Variants in GNG2 observed in about 807,000 individuals in gnomAD.
GNG2 encodes the protein guanine nucleotide-binding protein G(I)/G(S)/G(O) subunit gamma-2.
In GNG2, 5 loss-of-function variants were observed where a neutral mutation model predicts 5.5. The observed-to-expected ratio is 0.91, with a 90% CI of 0.48 to 1.92. The LOEUF is 1.92. Ranked by LOEUF, GNG2 falls within the 30% of genes most tolerant of loss-of-function variation. The pLI, the probability that GNG2 is intolerant of heterozygous loss-of-function variation, is 0.01. For missense variants in GNG2, 55 were observed against 88.4 expected (o/e 0.62, Z 1.52); for synonymous variants, 28 against 32.0 (o/e 0.88, Z 0.42).
At chr14:51,959,843 C>T (rs553603908) in intron 3 of GNG2, among the ~76,000 whole-genome samples, 74 of 152,254 alleles carry the variant, frequency 4.9e-4, no homozygotes, top group Non-Finnish European at 8.4e-4. Context: ...TTTTTATTTT[C>T]TTATGAACTT....
rs369095215 is a variant in GNG2, at chr14:51,836,856, C to CTT, written c.64+9067_64+9068dup. ...ATATTATGATTTTAAGTGACTTCAT[C>CTT]TTTTTTTTTTTTTTTTTTTGAGACA... On this transcript the variant is annotated intron_variant, in intron 2 of 3. Coordinates refer to the GNG2 transcript ENST00000553432. Among the ~76,000 whole-genome samples, 862 of 130,636 alleles carry CTT rather than the reference C, an allele frequency of 6.6e-3. 24 individuals carry two copies. The highest frequency in any genetic ancestry group is 0.026 in the East Asian group (123 of 4,722). 85.7% of individuals were successfully genotyped at this position (130,636 alleles called of 152,430 possible).
At chr14:51,857,379 G>A (rs951893988), upstream of GNG2, among the ~76,000 whole-genome samples, 1 of 152,198 alleles carries the variant, frequency 6.6e-6, no homozygotes, top group African/African-American at 2.4e-5. Flanking sequence ...AAGGTTGTAG[G>A]ATATAAGGCT....
At chr14:51,874,424 C>CAAAA (rs71121671) in intron 1 of GNG2, among the ~76,000 whole-genome samples, 8 of 95,762 alleles carry the variant, frequency 8.4e-5, no homozygotes, top group Non-Finnish European at 1.7e-4. Context: ...GACTCTGTCT[C>CAAAA]AAAAAAAAAA....
At chr14:51,932,688 G>A (rs2140247720) in intron 2 of GNG2, among the ~76,000 whole-genome samples, 1 of 152,296 alleles carries the variant, frequency 6.6e-6, no homozygotes, top group Non-Finnish European at 1.5e-5. Flanking sequence ...GATCACCGAA[G>A]TCAAGTGAAG....
At chr14:51,904,312 G>A (rs1885764454) in intron 2 of GNG2, among the ~76,000 whole-genome samples, 1 of 152,204 alleles carries the variant, frequency 6.6e-6, no homozygotes, top group Non-Finnish European at 1.5e-5. Flanking sequence ...AGGAGCCTGA[G>A]TGTGTACCTG....
intron 2 of GNG2, among the ~76,000 whole-genome samples, chr14:51,883,139 C>G (rs933114762): frequency 2.0e-5 from 3 of 152,032 alleles, no homozygotes; most frequent in Admixed American, 6.5e-5. Context: ...TTAAGACATC[C>G]CCAAGCACCA....
intron 2 of GNG2, among the ~76,000 whole-genome samples, chr14:51,937,413 T>C (rs8010684): frequency 0.093 from 14,128 of 152,116 alleles, 1,209 homozygotes; most frequent in East Asian, 0.28. Context: ...CAGATGATTA[T>C]GTATATTAGT....
At chr14:51,958,498 G>C (rs934379435) in intron 3 of GNG2, among the ~76,000 whole-genome samples, 2 of 142,698 alleles carry the variant, frequency 1.4e-5, no homozygotes, top group Non-Finnish European at 3.0e-5. Flanking sequence ...GTAACCATAA[G>C]TTCTCACTGA....
chr14:51,952,563 C>A (rs532551954), intron 3 of GNG2, among the ~76,000 whole-genome samples: 164 of 152,188 alleles, frequency 1.1e-3, no homozygotes, highest in Non-Finnish European at 2.0e-3. Flanking sequence ...TGAGGTGGTC[C>A]AACTATGATA....
At chr14:51,827,056 G>T (rs978697392) in intron 1 of GNG2, among the ~76,000 whole-genome samples, 2 of 152,200 alleles carry the variant, frequency 1.3e-5, no homozygotes, top group African/African-American at 4.8e-5. Flanking sequence ...AGGTGGGCAG[G>T]TAAGGAAGGG....
intron 3 of GNG2, chr14:51,951,995 A>G (rs1889004459): frequency 1.5e-5 from 10 of 662,610 alleles, no homozygotes; most frequent in South Asian, 1.5e-4. Flanking sequence ...ACCCAAACCA[A>G]TTAAATTAGA....
intron 2 of GNG2, among the ~76,000 whole-genome samples, chr14:51,892,893 TA>T (rs1254784698): frequency 1.3e-5 from 2 of 152,228 alleles, no homozygotes; most frequent in African/African-American, 4.8e-5. Flanking sequence ...GCATATTAGG[TA>T]GTTGTCTGGA....
intron 2 of GNG2, among the ~76,000 whole-genome samples, chr14:51,949,917 A>T (rs1026619621): frequency 6.6e-6 from 1 of 152,200 alleles, no homozygotes; most frequent in Non-Finnish European, 1.5e-5. Flanking sequence ...GGCAGAGACA[A>T]AGAAACCATC....
intron 2 of GNG2, among the ~76,000 whole-genome samples, chr14:51,920,314 A>C (rs1886939787): frequency 6.6e-6 from 1 of 151,880 alleles, no homozygotes; most frequent in Non-Finnish European, 1.5e-5. Context: ...CCTCCCCTAT[A>C]CTTTAAATCA....
chr14:51,946,277 C>T (rs192225626), intron 2 of GNG2, among the ~76,000 whole-genome samples: 5 of 152,120 alleles, frequency 3.3e-5, no homozygotes, highest in East Asian at 1.9e-4. Context: ...TTGTGGACCA[C>T]GGTCATGGAT....
intron 2 of GNG2, among the ~76,000 whole-genome samples, chr14:51,928,485 C>T (rs1254491865): frequency 2.6e-5 from 4 of 152,164 alleles, no homozygotes; most frequent in South Asian, 2.1e-4. Flanking sequence ...GAGCAGCCTG[C>T]GCCACAACTG....
intron 1 of GNG2, among the ~76,000 whole-genome samples, chr14:51,866,294 A>G (rs1882881069): frequency 6.6e-6 from 1 of 152,140 alleles, no homozygotes; most frequent in South Asian, 2.1e-4. Flanking sequence ...CCGCAGGGCC[A>G]TTGCTGTTCT....
chr14:51,917,805 C>T (rs1292566982), intron 2 of GNG2, among the ~76,000 whole-genome samples: 3 of 151,976 alleles, frequency 2.0e-5, no homozygotes, highest in Non-Finnish European at 2.9e-5. Context: ...CCAAGGTGGG[C>T]GGATCACCTG....
At chr14:51,865,709 G>A (rs1882831632) in intron 1 of GNG2, among the ~76,000 whole-genome samples, 1 of 151,660 alleles carries the variant, frequency 6.6e-6, no homozygotes, top group Non-Finnish European at 1.5e-5. Flanking sequence ...AAAATATTTT[G>A]TTTAAAAAAA....
Sources: allele counts gnomAD v4.1 joint callset (sites outside exome capture counted in the v4.1 genomes callset), GRCh38; gene constraint gnomAD v4.1.1; transcripts MANE v1.5; gene names NCBI Gene and HGNC (gene_info 2026-07-23, HGNC 2026-07-21).